KRAS: variants seen among roughly 807,000 people sequenced by gnomAD.
KRAS encodes the protein KRas proto-oncogene, GTPase, also known as GTPase KRas.
Under a neutral mutation model 21.0 loss-of-function variants are expected in KRAS, and 1 was observed. The ratio of observed to expected loss-of-function variants is 0.05; its 90% CI spans 0.02 to 0.23. The LOEUF is 0.23. Among genes scored for constraint, KRAS ranks in the 10% least tolerant of loss-of-function variants. The pLI is 1.00. For missense variants in KRAS, 107 were observed against 221.8 expected (o/e 0.48, Z 3.29); for synonymous variants, 67 against 72.5 (o/e 0.92, Z 0.39).
At chr12:25,244,008 T>C (rs1393251882) in intron 2 of KRAS, among the ~76,000 whole-genome samples, 1 of 152,220 alleles carries the variant, frequency 6.6e-6, no homozygotes, top group Non-Finnish European at 1.5e-5. Flanking sequence ...TTCTCCACTT[T>C]TTTATAGTAC....
chr12:25,213,882 T>A (rs1018734772), intron 4 of KRAS, among the ~76,000 whole-genome samples: 1 of 152,178 alleles, frequency 6.6e-6, no homozygotes, highest in Non-Finnish European at 1.5e-5. Context: ...AAAATGAGAA[T>A]TCCACGCAAT....
At chr12:25,245,702 G>A (rs754290496) in intron 1 of KRAS, among the ~76,000 whole-genome samples, 6 of 152,078 alleles carry the variant, frequency 3.9e-5, no homozygotes, top group African/African-American at 1.2e-4. Flanking sequence ...GCTGTTCTGC[G>A]GCGGCTAAAG....
Position 25,209,838 on chromosome 12 carries a change from T to C in KRAS, c.524A>G (p.Lys175Arg). 2.5e-6 allele frequency: 4 copies of C among 1,611,134 alleles called. No individual in the cohort carries two copies. The South Asian group carries it at 4.4e-5, about 18-fold the overall frequency. The change falls in exon 5 of 5, where the codon AAA becomes AGA. Residue 175 changes from lysine to arginine, a missense_variant. By Grantham distance (26) the Lys-to-Arg change is conservative. Around this residue, in one of 2 missense-constraint regions of KRAS, gnomAD observed 65 missense variants for 82.3 expected, o/e 0.79. Transcript: ENST00000311936. The stretch of plus-strand genomic sequence containing the variant: ...TGTCTTTGACTTCTTTTTCTTCTTT[T>C]TACCATCTTTGCTCATCTTTTCTTT... ...KHKEKMSKDG[K>R]KKKKKSKTKC...
At position 25,205,765 on chromosome 12, in the gene KRAS, T is replaced by C. The variant is rs1592790881; in HGVS notation, c.*4030A>G. 4.6e-6 allele frequency: 1 copy of C among 219,416 alleles called. No homozygotes were observed. The highest frequency in any genetic ancestry group is 6.8e-5 in the East Asian group (1 of 14,802). The allele number at this position is 219,416 out of a possible 1,614,324, so 13.6% of individuals were successfully genotyped here. On this transcript the variant is annotated 3_prime_UTR_variant, in exon 5 of 5. Transcript: ENST00000311936. ...CTAAATTCATCTAAATTACCTATCA[T>C]TATCCCAAACAGGCACTTCAAACTA... is the stretch of plus-strand genomic sequence containing the variant.
chr12:25,246,066 G>A (rs61925870), intron 1 of KRAS, among the ~76,000 whole-genome samples: 1 of 151,246 alleles, frequency 6.6e-6, no homozygotes, highest in Admixed American at 6.6e-5. Context: ...AATATCTCTG[G>A]GGAAAATAGG....
At chr12:25,218,135 A>T (rs1951275851) in intron 4 of KRAS, among the ~76,000 whole-genome samples, 1 of 152,156 alleles carries the variant, frequency 6.6e-6, no homozygotes. Context: ...TAAGAAATTT[A>T]AAAATATGTG....
chr12:25,226,468 G>C (rs1022940234), intron 3 of KRAS, among the ~76,000 whole-genome samples: 1 of 152,100 alleles, frequency 6.6e-6, no homozygotes, highest in African/African-American at 2.4e-5. Flanking sequence ...GGATAATAGA[G>C]CTGAAATTTG....
In KRAS at chr12:25,207,172, G is replaced by A. The variant is rs1951147729; in HGVS notation, c.*2623C>T. 1 of 210,478 alleles carries A rather than the reference G, an allele frequency of 4.8e-6. No homozygotes were observed. Among genetic ancestry groups the A allele is most frequent in the African/African-American group, 2.3e-5 (1 of 44,090 alleles). The allele number at this position is 210,478 out of a possible 1,614,324, so 13.0% of individuals were successfully genotyped here. On this transcript the variant is annotated 3_prime_UTR_variant, in exon 5 of 5. Coordinates refer to ENST00000311936, the MANE Select transcript of KRAS (RefSeq NM_004985.5). ...CCTAAGGACCGGGATTATGTCTCTTGTTTGGGGATACCATATACCCAGTGC... is the reference window on the plus strand; with the variant it reads ...CCTAAGGACCGGGATTATGTCTCTTATTTGGGGATACCATATACCCAGTGC...
At chr12:25,234,793 C>G (rs556473910) in intron 2 of KRAS, 37 of 201,368 alleles carry the variant, frequency 1.8e-4, no homozygotes, top group South Asian at 7.6e-4. Flanking sequence ...AGTGTGTTCA[C>G]CTTTTAACAT....
intron 4 of KRAS, among the ~76,000 whole-genome samples, chr12:25,217,137 T>C (rs1023784352): frequency 3.3e-5 from 5 of 152,180 alleles, no homozygotes; most frequent in African/African-American, 1.2e-4. Flanking sequence ...CCAGTACCAT[T>C]TGCAGTTTTA....
chr12:25,230,575 C>A (rs12228878), intron 2 of KRAS, among the ~76,000 whole-genome samples: 1 of 152,158 alleles, frequency 6.6e-6, no homozygotes, highest in Non-Finnish European at 1.5e-5. Context: ...TTACGGTGAG[C>A]TGAGATTGTG....
intron 4 of KRAS, among the ~76,000 whole-genome samples, chr12:25,214,667 C>A (rs960881387): frequency 2.0e-5 from 3 of 152,200 alleles, no homozygotes; most frequent in African/African-American, 7.2e-5. Context: ...GGATTACAGG[C>A]GTGAGCCACC....
At chr12:25,218,744 A>C (rs1210700655) in intron 4 of KRAS, among the ~76,000 whole-genome samples, 1 of 152,176 alleles carries the variant, frequency 6.6e-6, no homozygotes, top group Non-Finnish European at 1.5e-5. Context: ...ATACCTATGA[A>C]ACAAAACACT....
At chr12:25,216,438 C>A (rs963972460) in intron 4 of KRAS, among the ~76,000 whole-genome samples, 16 of 152,140 alleles carry the variant, frequency 1.1e-4, no homozygotes, top group African/African-American at 3.9e-4. Context: ...CCACACCTGA[C>A]TGATTTTTGT....
rs926761080 is a variant in KRAS, at chr12:25,215,620, G to A, written c.451-5709C>T. ...TGCATTGGTAAGAGTAATTTACTGG[G>A]AAAGCCATGTGCAAGAAGTTTGAGA... On this transcript the variant is annotated intron_variant, in intron 4 of 4. Transcript: ENST00000311936. 21 of 1,397,318 alleles carry A rather than the reference G, an allele frequency of 1.5e-5. No homozygotes were observed. The East Asian group carries it at 4.6e-4, about 31-fold the overall frequency. 86.6% of individuals were successfully genotyped at this position (1,397,318 alleles called of 1,614,324 possible). A position where few individuals can be genotyped will look rare whatever the true frequency, so the allele number is the denominator to read the frequency against.
chr12:25,207,387 G>A lies in KRAS; in HGVS notation c.*2408C>T, dbSNP rs1186129916. On this transcript the variant is annotated 3_prime_UTR_variant, in exon 5 of 5. Transcript: ENST00000311936. ...AAATTAGTTGAGTGTAGTGGCACAC[G>A]CCTGTAATCCCAGCTACTCAGGAGG... The A allele has an allele frequency of 1.1e-5, 2 of 187,374 alleles. No homozygotes were observed. The highest frequency in any genetic ancestry group is 1.7e-4 in the East Asian group (2 of 11,580). The allele number at this position is 187,374 out of a possible 1,614,324, so 11.6% of individuals were successfully genotyped here.
At chr12:25,222,080 C>T (rs1474457725) in intron 4 of KRAS, among the ~76,000 whole-genome samples, 5 of 150,678 alleles carry the variant, frequency 3.3e-5, no homozygotes, top group African/African-American at 9.8e-5. Flanking sequence ...ACCCGGGAGG[C>T]GGAGCCTGCA....
intron 2 of KRAS, among the ~76,000 whole-genome samples, chr12:25,243,885 T>C (rs190709811): frequency 8.7e-4 from 132 of 152,348 alleles, no homozygotes; most frequent in African/African-American, 2.9e-3. Context: ...GACTATTGCA[T>C]AGGCAGTCTA....
At chr12:25,240,662 A>T (rs1359225088) in intron 2 of KRAS, among the ~76,000 whole-genome samples, 1 of 152,220 alleles carries the variant, frequency 6.6e-6, no homozygotes, top group Non-Finnish European at 1.5e-5. Context: ...AATTAGTTGT[A>T]TTGTTAAAAC....
Sources: allele counts gnomAD v4.1 joint callset (sites outside exome capture counted in the v4.1 genomes callset), GRCh38; gene constraint gnomAD v4.1.1; regional missense constraint gnomAD v4.1.1; transcripts MANE v1.5; gene names NCBI Gene and HGNC (gene_info 2026-07-23, HGNC 2026-07-21).